The following C1orf167 variants were observed in gnomAD, a reference collection of about 807,000 sequenced individuals.
C1orf167 encodes chromosome 1 open reading frame 167.
C1orf167 carries 153 observed loss-of-function variants against 176.5 expected under a neutral mutation model. That is an observed-to-expected ratio of 0.87 (90% CI 0.76 to 0.99). The LOEUF (loss-of-function observed/expected upper bound fraction) is 0.99, where lower values mean the gene tolerates loss of function less well. Ranked by LOEUF, C1orf167 falls within the 50% of genes least tolerant of loss-of-function variation. The pLI is 0.00. For missense variants in C1orf167, 1,490 were observed against 1,817.7 expected (o/e 0.82, Z 3.28); for synonymous variants, 594 against 752.7 (o/e 0.79, Z 3.45).
chr1:11,782,383 T>G, intron 14 of C1orf167, 50 bp downstream of exon 14: 11 of 1,167,150 alleles, frequency 9.4e-6, no homozygotes, highest in Non-Finnish European at 1.1e-5. Context: ...ACGCAAGGAA[T>G]AGCAAGGAGA....
At chr1:11,769,149 A>T in intron 6 of C1orf167, 22 bp downstream of exon 6, 1 of 985,942 alleles carries the variant, frequency 1.0e-6, no homozygotes, top group Non-Finnish European at 1.2e-6. Flanking sequence ...TTGCCTGGGA[A>T]GCCGGTGGCC....
chr1:11,778,356 T>G, intron 10 of C1orf167: 1 of 156,180 alleles, frequency 6.4e-6, no homozygotes, highest in Admixed American at 6.4e-5. Flanking sequence ...CTCACTGAGG[T>G]CACTCAGAGA....
intron 9 of C1orf167, among the ~76,000 whole-genome samples, chr1:11,775,965 A>T (rs1643292849): frequency 6.6e-6 from 1 of 152,074 alleles, no homozygotes; most frequent in Non-Finnish European, 1.5e-5. Flanking sequence ...CCACCCCAAA[A>T]CTTAACTGGG....
chr1:11,787,899 G>A lies in C1orf167; in HGVS notation c.3700G>A (p.Ala1234Thr). The A allele has an allele frequency of 8.0e-7, 1 of 1,248,986 alleles. No individual in the cohort carries two copies. The highest frequency in any genetic ancestry group is 1.0e-6 in the Non-Finnish European group (1 of 963,318). The allele number at this position is 1,248,986 out of a possible 1,614,324, so 77.4% of individuals were successfully genotyped here. A position where few individuals can be genotyped will look rare whatever the true frequency, so the allele number is the denominator to read the frequency against. ...GTGCAGGGAACATTCCCTCTGCCCT[G>A]CCTTCCAGCTCTGGCCACAGTGGCC... is the stretch of plus-strand genomic sequence containing the variant. ...QRCREHSLCP[A>T]FQLWPQWPGQ... The change falls in exon 18 of 21, where the codon GCC becomes ACC. Residue 1234 changes from alanine (A) to threonine (T), a missense_variant. Transcript: ENST00000688073.
intron 13 of C1orf167, among the ~76,000 whole-genome samples, chr1:11,781,881 G>A (rs1284114044): frequency 1.3e-5 from 2 of 150,554 alleles, no homozygotes; most frequent in Non-Finnish European, 2.9e-5. Context: ...CTGCACTCCA[G>A]CCTGGGTGAC....
intron 9 of C1orf167, among the ~76,000 whole-genome samples, chr1:11,776,009 C>T (rs1489884683): frequency 6.6e-6 from 1 of 152,160 alleles, no homozygotes; most frequent in African/African-American, 2.4e-5. Context: ...TGTAATCCCA[C>T]ACTTTGGGAG....
intron 9 of C1orf167, 137 bp downstream of exon 9, chr1:11,775,747 G>T: frequency 1.9e-6 from 2 of 1,047,870 alleles, no homozygotes; most frequent in Non-Finnish European, 2.5e-6. Context: ...GTAGGCCTGG[G>T]AGGGTGCAGG....
Position 11,775,447 on chromosome 1 carries a change from G to A in C1orf167, c.2001G>A (p.Ala667=), listed in dbSNP as rs767638161. 20 of 1,300,548 alleles carry A rather than the reference G, an allele frequency of 1.5e-5. No homozygotes were observed. Among genetic ancestry groups the A allele is most frequent in the South Asian group, 2.5e-5 (2 of 80,628 alleles). The allele number at this position is 1,300,548 out of a possible 1,614,324, so 80.6% of individuals were successfully genotyped here. A position where few individuals can be genotyped will look rare whatever the true frequency, so the allele number is the denominator to read the frequency against. Reference sequence around the variant, plus strand: ...TCTGTTCTCCCAGGTGCTTCGGGGCGTGGCAGCAGTTCGTGCAAAGAGGGT... The same window carrying A: ...TCTGTTCTCCCAGGTGCTTCGGGGCATGGCAGCAGTTCGTGCAAAGAGGGT... ...QRAWLCRCFG[A]WQQFVQRGSR... Residue 667 remains alanine (A), a synonymous_variant, in exon 9 of 21, where the codon GCG becomes GCA. Coordinates refer to ENST00000688073, the MANE Select transcript of C1orf167 (RefSeq NM_001010881.2).
chr1:11,768,261 C>T lies in C1orf167; in HGVS notation c.1528C>T (p.Arg510Trp), dbSNP rs1165957770. Residue 510 changes from arginine (R) to tryptophan (W), a missense_variant, in exon 5 of 21, where the codon CGG becomes TGG. Coordinates refer to ENST00000688073, the MANE Select transcript of C1orf167 (RefSeq NM_001010881.2). The surrounding 1 kb of genome is among the most constrained non-coding windows in gnomAD (Gnocchi z 4.5). ...WGQYTKVLLV[R>W]SFREWRNLAL... ...GCAGTACACAAAGGTTCTGCTGGTC[C>T]GGAGCTTCCGAGAGGTCAGCGGTCT... 10 of 1,289,794 alleles carry T rather than the reference C, an allele frequency of 7.8e-6. No individual in the cohort carries two copies. Among genetic ancestry groups the T allele is most frequent in the African/African-American group, 3.0e-5 (2 of 65,874 alleles). The allele number at this position is 1,289,794 out of a possible 1,614,324, so 79.9% of individuals were successfully genotyped here.
chr1:11,782,973 G>A (rs1417510294), intron 14 of C1orf167, among the ~76,000 whole-genome samples: 1 of 150,128 alleles, frequency 6.7e-6, no homozygotes, highest in African/African-American at 2.5e-5. Context: ...CTACCATAAC[G>A]CCCATTGTGA....
chr1:11,787,942 T>TC lies in C1orf167; in HGVS notation c.3746dup (p.Gly1250ArgfsTer18), dbSNP rs1643936641. ...CAGTGGCCTGGACAGAGTAGCTGGG[T>TC]CCCAGGCCTGCCCCTGTGGACGAGG... On this transcript the variant is annotated frameshift_variant, in exon 18 of 21. Transcript: ENST00000688073. LOFTEE classifies it high-confidence loss of function. 1 of 1,303,754 alleles carries TC rather than the reference T, an allele frequency of 7.7e-7. No homozygotes were observed. The highest frequency in any genetic ancestry group is 5.6e-5 in the East Asian group (1 of 18,014). 80.8% of individuals were successfully genotyped at this position (1,303,754 alleles called of 1,614,324 possible). A position where few individuals can be genotyped will look rare whatever the true frequency, so the allele number is the denominator to read the frequency against.
Position 11,789,305 on chromosome 1 carries a change from GAGCCCAAGGAGAGGAGCTGCCAGT to G in C1orf167, c.4218_4241del (p.Arg1407_Arg1414del), listed in dbSNP as rs1273496434. 3.1e-6 allele frequency: 4 copies of G among 1,303,952 alleles called. No individual in the cohort carries two copies. The African/African-American group carries it at 4.6e-5, about 15-fold the overall frequency. 80.8% of individuals were successfully genotyped at this position (1,303,952 alleles called of 1,614,324 possible). A position where few individuals can be genotyped will look rare whatever the true frequency, so the allele number is the denominator to read the frequency against. The stretch of plus-strand genomic sequence containing the variant: ...AGTGGCACCAACGCCTGGCAGCCAG[GAGCCCAAGGAGAGGAGCTGCCAGT>G]AGCCCAAGACCCTGGAGCAAGCCAG... On this transcript the variant is annotated inframe_deletion, in exon 21 of 21. Coordinates refer to ENST00000688073, the MANE Select transcript of C1orf167 (RefSeq NM_001010881.2).
At chr1:11,769,720 G>A (rs963315180) in intron 6 of C1orf167, among the ~76,000 whole-genome samples, 1 of 145,816 alleles carries the variant, frequency 6.9e-6, no homozygotes, top group Non-Finnish European at 1.5e-5. Context: ...CGCCCAGGCT[G>A]GAGTGCAGTG....
At position 11,778,743 on chromosome 1, in the gene C1orf167, C is replaced by T; in HGVS notation, c.2423C>T (p.Thr808Ile). The T allele has an allele frequency of 7.7e-7, 1 of 1,303,826 alleles. No homozygotes were observed. The allele number at this position is 1,303,826 out of a possible 1,614,324, so 80.8% of individuals were successfully genotyped here. A position where few individuals can be genotyped will look rare whatever the true frequency, so the allele number is the denominator to read the frequency against. ...WHLRALGPDA[T>I]SSCTKTPSAL... The stretch of plus-strand genomic sequence containing the variant: ...TTGAGGGCACTGGGCCCAGATGCCA[C>T]ATCAAGCTGCACCAAGACCCCCTCG... Residue 808 changes from threonine to isoleucine, a missense_variant, in exon 11 of 21, where the codon ACA (threonine) becomes ATA (isoleucine). Coordinates refer to ENST00000688073, the MANE Select transcript of C1orf167 (RefSeq NM_001010881.2).
intron 2 of C1orf167, 70 bp downstream of exon 2, chr1:11,764,540 C>G: frequency 8.1e-7 from 1 of 1,233,076 alleles, no homozygotes; most frequent in Non-Finnish European, 1.1e-6. Context: ...GGCCCAGAGC[C>G]CCCCTCCCAG....
chr1:11,771,665 G>A (rs1032381962), intron 7 of C1orf167, 29 bp downstream of exon 7: 1 of 1,280,666 alleles, frequency 7.8e-7, no homozygotes, highest in Non-Finnish European at 1.0e-6. Flanking sequence ...GGAAAGCGGG[G>A]AGATGGAGCC....
Position 11,784,445 on chromosome 1 carries a change from G to A in C1orf167, c.3277G>A (p.Gly1093Ser), listed in dbSNP as rs1643745502. 8.4e-6 allele frequency: 11 copies of A among 1,303,574 alleles called. No homozygotes were observed. Among genetic ancestry groups the A allele is most frequent in the Non-Finnish European group, 1.1e-5 (11 of 988,902 alleles). 80.8% of individuals were successfully genotyped at this position (1,303,574 alleles called of 1,614,324 possible). Residue 1093 changes from glycine to serine, a missense_variant, in exon 15 of 21, where the codon GGC (glycine) becomes AGC (serine). Physicochemically the swap from Gly to Ser is moderately conservative, Grantham distance 56. Coordinates refer to ENST00000688073, the MANE Select transcript of C1orf167 (RefSeq NM_001010881.2). ...QAFPAWPVAPGMHHEAQQQAG... is the reference protein window; with the variant it reads ...QAFPAWPVAPSMHHEAQQQAG... ...CTTCCCAGCATGGCCAGTGGCCCCG[G>A]GCATGCACCATGAGGCCCAGCAGCA...
At chr1:11,771,107 C>T (rs1320464872) in intron 6 of C1orf167, among the ~76,000 whole-genome samples, 7 of 95,450 alleles carry the variant, frequency 7.3e-5, no homozygotes, top group Admixed American at 1.6e-4. Context: ...GTAGTAGAGA[C>T]GGAGTTTCAC....
chr1:11,775,415 C>T lies in C1orf167; in HGVS notation c.1989-20C>T, dbSNP rs1643265197. 7.8e-7 allele frequency: 1 copy of T among 1,279,416 alleles called. No homozygotes were observed. Among genetic ancestry groups the T allele is most frequent in the African/African-American group, 1.5e-5 (1 of 65,530 alleles). 79.3% of individuals were successfully genotyped at this position (1,279,416 alleles called of 1,614,324 possible). A position where few individuals can be genotyped will look rare whatever the true frequency, so the allele number is the denominator to read the frequency against. On this transcript the variant is annotated intron_variant, in intron 8 of 20. Transcript: ENST00000688073. ...TCAGATCTTGCAATTGACATGGGTA[C>T]TTTCCCTCTGTTCTCCCAGGTGCTT...
Sources: gnomAD v4.1 joint callset for allele counts (sites outside exome capture counted in the v4.1 genomes callset) on GRCh38, gnomAD v4.1.1 for gene constraint, Gnocchi (gnomAD v3.1) non-coding constraint, MANE v1.5 for transcripts, NCBI Gene and HGNC (gene_info 2026-07-23, HGNC 2026-07-21) for gene names.